Variants in SPINK8 observed in about 807,000 individuals in gnomAD.
SPINK8 encodes serine peptidase inhibitor Kazal type 8 (putative).
Under a neutral mutation model 14.4 loss-of-function variants are expected in SPINK8, and 12 were observed. The observed-to-expected ratio is 0.83, with a 90% CI of 0.53 to 1.35. The LOEUF is 1.35. Ranked by LOEUF, SPINK8 falls within the 40% of genes most tolerant of loss-of-function variation. The probability of loss-of-function intolerance (pLI) is 0.00; values close to 1 mark genes in which losing one functional copy is unlikely to be tolerated. For missense variants in SPINK8, 103 were observed against 117.0 expected, an observed-to-expected ratio of 0.88 and a Z score of 0.55; for synonymous variants, 32 against 37.6, an observed-to-expected ratio of 0.85 and a Z score of 0.55.
chr3:48,309,343 C>T (rs919775991), intron 7 of SPINK8, among the ~76,000 whole-genome samples: 3 of 152,130 alleles, frequency 2.0e-5, no homozygotes, highest in Admixed American at 6.5e-5. Flanking sequence ...CCTAGGGCTC[C>T]GGCAAGTCCT....
intron 2 of SPINK8, among the ~76,000 whole-genome samples, 148 bp downstream of exon 2, chr3:48,332,215 CCTT>C (rs1328979238): frequency 6.6e-6 from 1 of 152,184 alleles, no homozygotes; most frequent in Admixed American, 6.5e-5. Context: ...AAAGCGGTGG[CCTT>C]CTTTTTATCC....
intron 4 of SPINK8, among the ~76,000 whole-genome samples, chr3:48,324,317 G>A (rs2036112156): frequency 6.6e-6 from 1 of 152,026 alleles, no homozygotes; most frequent in South Asian, 2.1e-4. Flanking sequence ...ATATACAAAT[G>A]ATTTTTGTAT....
chr3:48,312,935 T>C (rs2035941619), intron 6 of SPINK8, among the ~76,000 whole-genome samples: 1 of 150,010 alleles, frequency 6.7e-6, no homozygotes, highest in Non-Finnish European at 1.5e-5. Context: ...GAGGCAGAGG[T>C]TGCAGTGAGC....
At chr3:48,327,030 A>G (rs1247370885) in intron 4 of SPINK8, among the ~76,000 whole-genome samples, 2 of 152,232 alleles carry the variant, frequency 1.3e-5, no homozygotes, top group African/African-American at 4.8e-5. Flanking sequence ...TTACTGGCAT[A>G]AGGTCAACAC....
chr3:48,314,275 G>T (rs897911663), intron 6 of SPINK8, among the ~76,000 whole-genome samples: 3 of 151,316 alleles, frequency 2.0e-5, no homozygotes, highest in African/African-American at 7.3e-5. Context: ...TTTCCTCCAC[G>T]AAAGCAACAA....
rs1005006400 is a variant in SPINK8 at position 48,321,033 on chromosome 3, T to C, written c.109A>G (p.Lys37Glu). 1 of 1,590,552 alleles carries C rather than the reference T, an allele frequency of 6.3e-7. No individual in the cohort carries two copies. ...PMASERGQLDKTIVECLKNVN... is the reference protein window; with the variant it reads ...PMASERGQLDETIVECLKNVN... ...AAGGAAGCAGTACTCACTATTGTTT[T>C]GTCTAGCTGACCTCTTTCAGAGGCC... Residue 37 changes from lysine to glutamate, a missense_variant, in exon 5 of 8, where the codon AAA (lysine) becomes GAA (glutamate). Transcript: ENST00000434006.
chr3:48,314,163 T>C (rs576983070), intron 6 of SPINK8, among the ~76,000 whole-genome samples: 4 of 152,324 alleles, frequency 2.6e-5, no homozygotes, highest in South Asian at 4.1e-4. Context: ...TTTATAGTTA[T>C]AAGAACTTTG....
At position 48,324,620 on chromosome 3, in the gene SPINK8, A is replaced by C. The variant is rs2036115720; in HGVS notation, c.68-3546T>G. Among the ~76,000 whole-genome samples, 2 of 152,210 alleles carry C rather than the reference A, an allele frequency of 1.3e-5. 1 individual carries two copies. The highest frequency in any genetic ancestry group is 4.1e-4 in the South Asian group (2 of 4,830). On this transcript the variant is annotated intron_variant, in intron 4 of 7. Transcript: ENST00000434006. ...CTCTAACATAAAGAACATATAGAAT[A>C]CATTCAAATAAACATTTCTATATAG...
chr3:48,310,482 C>G (rs995718113), intron 6 of SPINK8, among the ~76,000 whole-genome samples: 4 of 148,262 alleles, frequency 2.7e-5, no homozygotes, highest in African/African-American at 9.8e-5. Flanking sequence ...GTACTGAATT[C>G]TACCAAAAAA....
chr3:48,312,996 C>CAAAA, intron 6 of SPINK8, among the ~76,000 whole-genome samples: 1 of 122,016 alleles, frequency 8.2e-6, no homozygotes. Flanking sequence ...GACTCTGTCT[C>CAAAA]AAAAAAAAAA....
intron 6 of SPINK8, among the ~76,000 whole-genome samples, chr3:48,316,093 A>G (rs1260316074): frequency 1.3e-5 from 2 of 152,266 alleles, no homozygotes; most frequent in African/African-American, 4.8e-5. Flanking sequence ...TGGGAAAAAA[A>G]TGAATATAGC....
intron 7 of SPINK8, among the ~76,000 whole-genome samples, 178 bp downstream of exon 7, chr3:48,309,726 G>A (rs1008441550): frequency 1.2e-4 from 19 of 152,108 alleles, no homozygotes; most frequent in Non-Finnish European, 2.9e-5. Flanking sequence ...GAGGAAATGT[G>A]GCAAAACATT....
At chr3:48,314,821 T>C (rs1306480715) in intron 6 of SPINK8, among the ~76,000 whole-genome samples, 2 of 152,176 alleles carry the variant, frequency 1.3e-5, no homozygotes, top group Non-Finnish European at 2.9e-5. Context: ...ATAGGAGGTT[T>C]TGAAAAGCTC....
chr3:48,310,496 A>AT (rs199919970), intron 6 of SPINK8, among the ~76,000 whole-genome samples: 377 of 88,690 alleles, frequency 4.3e-3, no homozygotes, highest in South Asian at 0.035. Context: ...CAAAAAAAAA[A>AT]TTTTTTTTTT....
At chr3:48,318,646 C>G (rs1355220850) in intron 6 of SPINK8, among the ~76,000 whole-genome samples, 1 of 152,184 alleles carries the variant, frequency 6.6e-6, no homozygotes, top group Non-Finnish European at 1.5e-5. Context: ...CTAGTGTAAG[C>G]TTTAGTGTTT....
At position 48,328,268 on chromosome 3, in the gene SPINK8, A is replaced by G. The variant is rs1258895544; in HGVS notation, c.67+7T>C. 6.2e-7 allele frequency: 1 copy of G among 1,608,236 alleles called. No homozygotes were observed. The highest frequency in any genetic ancestry group is 8.5e-7 in the Non-Finnish European group (1 of 1,177,070). ...AAATGTGGGCAGAGCAAGGACACAT[A>G]ACTCACCAATTGCAAAGGCCATCCA... On this transcript the variant is annotated splice_region_variant and intron_variant, in intron 4 of 7. Coordinates refer to ENST00000434006, the MANE Select transcript of SPINK8 (RefSeq NM_001080525.3).
At chr3:48,331,453 G>A (rs1024909896) in intron 2 of SPINK8, among the ~76,000 whole-genome samples, 2 of 152,014 alleles carry the variant, frequency 1.3e-5, no homozygotes, top group African/African-American at 2.4e-5. Context: ...GTGTAAGACT[G>A]CCACCTCTTT....
intron 4 of SPINK8, among the ~76,000 whole-genome samples, chr3:48,327,741 A>C (rs192687933): frequency 6.6e-6 from 1 of 152,332 alleles, no homozygotes; most frequent in African/African-American, 2.4e-5. Context: ...GAACTCTCCT[A>C]AGATGTGAGA....
chr3:48,320,282 G>A (rs1312334051), intron 5 of SPINK8, among the ~76,000 whole-genome samples: 8 of 152,144 alleles, frequency 5.3e-5, no homozygotes, highest in Non-Finnish European at 7.4e-5. Flanking sequence ...AGGCATGGCG[G>A]CTCACGCCTG....
Sources: allele counts gnomAD v4.1 joint callset (sites outside exome capture counted in the v4.1 genomes callset), GRCh38; gene constraint gnomAD v4.1.1; transcripts MANE v1.5; gene names NCBI Gene and HGNC (gene_info 2026-07-23, HGNC 2026-07-21).